Variants in SYT16 observed in about 807,000 individuals in gnomAD.
SYT16 encodes the protein synaptotagmin-16.
A neutral mutation model predicts 61.4 loss-of-function variants in SYT16; 42 were observed. That is an observed-to-expected ratio of 0.68 (90% CI 0.53 to 0.89). The LOEUF (loss-of-function observed/expected upper bound fraction) is 0.89, where lower values mean the gene tolerates loss of function less well. Among genes scored for constraint, SYT16 ranks in the 40% least tolerant of loss-of-function variants. The probability of loss-of-function intolerance (pLI) is 0.00; values close to 1 mark genes in which losing one functional copy is unlikely to be tolerated. For synonymous variants in SYT16, 314 were observed against 302.3 expected, an observed-to-expected ratio of 1.04 and a Z score of -0.40; for missense variants, 804 against 807.3, an observed-to-expected ratio of 1.00 and a Z score of 0.05.
At chr14:61,966,805 G>A (rs1268235582) in intron 1 of SYT16, among the ~76,000 whole-genome samples, 1 of 152,160 alleles carries the variant, frequency 6.6e-6, no homozygotes, top group African/African-American at 2.4e-5. Flanking sequence ...TATGTTGGTA[G>A]TTTTGCTGAC....
At chr14:61,965,754 A>T (rs1395813303) in intron 1 of SYT16, among the ~76,000 whole-genome samples, 2 of 152,154 alleles carry the variant, frequency 1.3e-5, no homozygotes, top group Non-Finnish European at 2.9e-5. Context: ...ATAGTAATGT[A>T]GTTTAAGATG....
intron 1 of SYT16, among the ~76,000 whole-genome samples, chr14:61,943,590 A>G (rs1332828291): frequency 6.6e-6 from 1 of 152,226 alleles, no homozygotes; most frequent in African/African-American, 2.4e-5. Context: ...ATGCAAATCA[A>G]TAAACATAAT....
chr14:61,818,875 C>T (rs1402462716), intron 1 of SYT16, among the ~76,000 whole-genome samples: 3 of 152,104 alleles, frequency 2.0e-5, no homozygotes, highest in African/African-American at 7.2e-5. Context: ...TGCTAAACTG[C>T]TCCTCCTGTT....
intron 1 of SYT16, among the ~76,000 whole-genome samples, chr14:61,842,953 A>G (rs2046342275): frequency 6.6e-6 from 1 of 152,190 alleles, no homozygotes; most frequent in Non-Finnish European, 1.5e-5. Context: ...AATTTAAAAA[A>G]GTATCACATT....
chr14:61,974,659 C>T (rs2051707389), intron 2 of SYT16, among the ~76,000 whole-genome samples: 2 of 152,160 alleles, frequency 1.3e-5, no homozygotes, highest in South Asian at 4.1e-4. Context: ...GTGGAAATCC[C>T]AAAGACTGAT....
intron 1 of SYT16, among the ~76,000 whole-genome samples, chr14:61,963,128 A>G (rs564071473): frequency 1.1e-4 from 16 of 152,238 alleles, no homozygotes; most frequent in Non-Finnish European, 1.8e-4. Flanking sequence ...AGGCCTTCCT[A>G]TTCCTTGAGA....
At chr14:61,833,794 G>C (rs555144466) in intron 1 of SYT16, among the ~76,000 whole-genome samples, 20 of 148,716 alleles carry the variant, frequency 1.3e-4, no homozygotes, top group African/African-American at 4.7e-4. Flanking sequence ...TTGCGCTAGC[G>C]AGCAGGCTGT....
chr14:62,075,461 ATC>A, intron 5 of SYT16, 70 bp downstream of exon 5: 1 of 1,388,616 alleles, frequency 7.2e-7, no homozygotes, highest in Non-Finnish European at 9.4e-7. Flanking sequence ...CTCCTTTCTC[ATC>A]TCTCTAAAAA....
chr14:62,027,552 T>C (rs139890939), intron 3 of SYT16, among the ~76,000 whole-genome samples: 6 of 152,340 alleles, frequency 3.9e-5, no homozygotes, highest in African/African-American at 7.2e-5. Flanking sequence ...TCACTAGATA[T>C]TCCATTTTTT....
At chr14:61,886,253 C>T (rs750812422) in intron 1 of SYT16, among the ~76,000 whole-genome samples, 4 of 151,530 alleles carry the variant, frequency 2.6e-5, no homozygotes, top group Non-Finnish European at 5.9e-5. Context: ...CGTGAGCCAC[C>T]GCACCTGGCT....
intron 1 of SYT16, among the ~76,000 whole-genome samples, chr14:61,850,400 G>A (rs1336242574): frequency 6.6e-6 from 1 of 152,090 alleles, no homozygotes; most frequent in African/African-American, 2.4e-5. Flanking sequence ...CTCCCAGAGT[G>A]CTGGGATTAC....
rs779244840 is a variant in SYT16, at chr14:62,081,235, G to C, written c.1395G>C (p.Met465Ile). ...YLSHLHPEGEMKVTLVLEPRS... is the reference protein window; with the variant it reads ...YLSHLHPEGEIKVTLVLEPRS... ...GCCACCTGCACCCAGAAGGGGAAAT[G>C]AAAGTGACTCTGGTTCTGGAGCCAA... The change falls in exon 6 of 8, where the codon ATG (methionine) becomes ATC (isoleucine). Residue 465 changes from methionine (M) to isoleucine (I), a missense_variant. Physicochemically the swap from Met to Ile is conservative, Grantham distance 10. Transcript: ENST00000683842. 1 of 1,613,960 alleles carries C rather than the reference G, an allele frequency of 6.2e-7. No homozygotes were observed. Among genetic ancestry groups the C allele is most frequent in the Non-Finnish European group, 8.5e-7 (1 of 1,179,890 alleles).
intron 1 of SYT16, among the ~76,000 whole-genome samples, chr14:61,829,731 T>C (rs1473241126): frequency 6.6e-6 from 1 of 152,130 alleles, no homozygotes; most frequent in Non-Finnish European, 1.5e-5. Flanking sequence ...CTTGGCTCAT[T>C]GCAAGCTCCG....
intron 3 of SYT16, among the ~76,000 whole-genome samples, chr14:62,044,503 C>T (rs1294596354): frequency 2.0e-5 from 3 of 152,114 alleles, no homozygotes; most frequent in Non-Finnish European, 2.9e-5. Flanking sequence ...TCCCTCTGTC[C>T]ATGTGCTCTC....
At chr14:61,854,129 T>C (rs1352110963) in intron 1 of SYT16, among the ~76,000 whole-genome samples, 1 of 152,126 alleles carries the variant, frequency 6.6e-6, no homozygotes, top group Non-Finnish European at 1.5e-5. Flanking sequence ...CATATGCACA[T>C]ACACACATGT....
At position 61,865,248 on chromosome 14, in the gene SYT16, C is replaced by CT. The variant is rs2047110005; in HGVS notation, c.-325+52439dup. On this transcript the variant is annotated intron_variant, in intron 1 of 7. Transcript: ENST00000683842. Reference sequence around the variant, plus strand: ...CCCCATCTGTTGCTGGACATCAGGCCTAAGATGGAGGTGAGCATCTGTCTT... The same window carrying CT: ...CCCCATCTGTTGCTGGACATCAGGCCTTAAGATGGAGGTGAGCATCTGTCTT... 3.4e-6 allele frequency: 3 copies of CT among 892,656 alleles called. No individual in the cohort carries two copies. In the South Asian group the frequency reaches 4.2e-5, roughly 12 times the overall value. 55.3% of individuals were successfully genotyped at this position (892,656 alleles called of 1,614,324 possible).
chr14:61,869,658 C>T (rs1431492887), intron 1 of SYT16, among the ~76,000 whole-genome samples: 1 of 152,128 alleles, frequency 6.6e-6, no homozygotes, highest in Non-Finnish European at 1.5e-5. Context: ...AGCCTAATGC[C>T]CAATGTGATG....
chr14:61,905,800 C>T lies in SYT16; in HGVS notation c.-324-64332C>T, dbSNP rs2140367542. On this transcript the variant is annotated intron_variant, in intron 1 of 7. Coordinates refer to ENST00000683842, the MANE Select transcript of SYT16 (RefSeq NM_001367656.1). ...TGGGGATAAATCTCGCTCTGTTGCCCAGTCTGGAGTGTAGTGGTGTGATCT... is the reference window on the plus strand; with the variant it reads ...TGGGGATAAATCTCGCTCTGTTGCCTAGTCTGGAGTGTAGTGGTGTGATCT... 4.0e-5 allele frequency among the ~76,000 whole-genome samples: 6 copies of T among 151,326 alleles called. 1 individual carries two copies. The Middle Eastern group carries it at 0.017, about 429-fold the overall frequency.
In SYT16 at chr14:62,048,493, C is replaced by T. The variant is rs538220430; in HGVS notation, c.524-21110C>T. On this transcript the variant is annotated intron_variant, in intron 3 of 7. Coordinates refer to ENST00000683842, the MANE Select transcript of SYT16 (RefSeq NM_001367656.1). Reference sequence around the variant, plus strand: ...CTATTTCCTTCAGTTCTGCTCTGATCTTAGTTATTTCTTGCCTTCTGCTAG... The same window carrying T: ...CTATTTCCTTCAGTTCTGCTCTGATTTTAGTTATTTCTTGCCTTCTGCTAG... Among the ~76,000 whole-genome samples the T allele has an allele frequency of 1.7e-4, 26 of 152,160 alleles. No homozygotes were observed. In the East Asian group the frequency reaches 4.0e-3, roughly 24 times the overall value.
Sources: gnomAD v4.1 joint callset for allele counts (sites outside exome capture counted in the v4.1 genomes callset) on GRCh38, gnomAD v4.1.1 for gene constraint, MANE v1.5 for transcripts, NCBI Gene and HGNC (gene_info 2026-07-23, HGNC 2026-07-21) for gene names.